The following CFAP92 variants were observed in gnomAD, a reference collection of about 807,000 sequenced individuals.
CFAP92 encodes the protein uncharacterized protein CFAP92.
In CFAP92, 86 loss-of-function variants were observed where a neutral mutation model predicts 106.3. The ratio of observed to expected loss-of-function variants is 0.81; its 90% CI spans 0.68 to 0.97. The LOEUF (loss-of-function observed/expected upper bound fraction) is 0.97. Ranked by LOEUF, CFAP92 falls within the 50% of genes least tolerant of loss-of-function variation. The pLI, the probability that CFAP92 is intolerant of heterozygous loss-of-function variation, is 0.00. For missense variants in CFAP92, 1,204 were observed against 1,283.8 expected (o/e 0.94, Z 0.95); for synonymous variants, 477 against 506.4 (o/e 0.94, Z 0.78).
chr3:129,024,439 G>A, the CFAP92 span, among the ~76,000 whole-genome samples: 1 of 151,780 alleles, frequency 6.6e-6, no homozygotes, highest in African/African-American at 2.4e-5. Flanking sequence ...GCTGAGGCAG[G>A]AGAATCACTT....
rs1404120660 is a variant in CFAP92, at chr3:128,978,173, A to C, written c.680T>G (p.Leu227Trp). The C allele has an allele frequency of 6.2e-7, 1 of 1,613,456 alleles. No homozygotes were observed. The highest frequency in any genetic ancestry group is 8.5e-7 in the Non-Finnish European group (1 of 1,179,602). ...GAFHKSEVRH[L>W]VLNQRKLSEQ... is the part of the protein sequence containing the mutation. Reference sequence around the variant, plus strand: ...AGATAATTTTCTCTGATTTAAAACCAAATGTCTCACTTCTAGAATGCAGGA... The same window carrying C: ...AGATAATTTTCTCTGATTTAAAACCCAATGTCTCACTTCTAGAATGCAGGA... The change falls in exon 5 of 16, where the codon TTG becomes TGG. Residue 227 changes from leucine (L) to tryptophan (W), a missense_variant. Leu to Trp is a moderately conservative substitution (Grantham distance 61). Coordinates refer to ENST00000645291, the MANE Select transcript of CFAP92 (RefSeq NM_001394090.1).
At chr3:128,922,136 G>C (rs570995769) in intron 12 of CFAP92, among the ~76,000 whole-genome samples, 29 of 152,058 alleles carry the variant, frequency 1.9e-4, no homozygotes, top group African/African-American at 6.5e-4. Flanking sequence ...TCAGGAGATC[G>C]AGACCATTCT....
Position 128,993,086 on chromosome 3 carries a change from G to A in CFAP92, c.219C>T (p.Val73=). 1 of 1,614,076 alleles carries A rather than the reference G, an allele frequency of 6.2e-7. No homozygotes were observed. The highest frequency in any genetic ancestry group is 2.2e-5 in the East Asian group (1 of 44,892). ...CCAGTGAGATGGTGAATTTGCAGGG[G>A]ACCACGTGGGGCACGTCGGAGCTGA... ...STFSSDVPHV[V]PCKFTISLAF... Residue 73 remains valine (V), a synonymous_variant, in exon 2 of 16, where the codon GTC becomes GTT. Transcript: ENST00000645291.
intron 15 of CFAP92, chr3:128,912,625 C>T: frequency 6.3e-7 from 1 of 1,599,464 alleles, no homozygotes; most frequent in Non-Finnish European, 8.6e-7. Context: ...GACAGTGTCC[C>T]CTGCTACCGC....
chr3:129,021,244 A>G, the CFAP92 span, among the ~76,000 whole-genome samples: 1 of 152,096 alleles, frequency 6.6e-6, no homozygotes, highest in Non-Finnish European at 1.5e-5. Context: ...ACTGGAGCCC[A>G]CCTCTGTCTT....
Position 128,948,339 on chromosome 3 carries a change from T to TACAG in CFAP92, c.1354-2365_1354-2364insCTGT, listed in dbSNP as rs1940440760. Among the ~76,000 whole-genome samples the TACAG allele has an allele frequency of 2.7e-5, 4 of 150,252 alleles. No individual in the cohort carries two copies. In the Admixed American group the frequency reaches 2.7e-4, roughly 10 times the overall value. On this transcript the variant is annotated intron_variant, in intron 9 of 15. Transcript: ENST00000645291. ...CTTCCCTAGTAGCTGGGACTACAGG[T>TACAG]GTGTGCTACCATGCCCCACTAATTT...
At chr3:129,007,524 A>G (rs560838484), upstream of CFAP92, among the ~76,000 whole-genome samples, 66 of 152,334 alleles carry the variant, frequency 4.3e-4, no homozygotes, top group African/African-American at 1.5e-3. Context: ...AAATGACCCA[A>G]CAAACACCTT....
At chr3:128,999,498 G>C (rs1944610201) in intron 1 of CFAP92, among the ~76,000 whole-genome samples, 1 of 149,468 alleles carries the variant, frequency 6.7e-6, no homozygotes, top group Non-Finnish European at 1.5e-5. Context: ...TGGGCTACCA[G>C]CTCTTAGGGC....
chr3:128,980,015 G>A (rs1943427414), intron 4 of CFAP92, among the ~76,000 whole-genome samples: 1 of 143,938 alleles, frequency 6.9e-6, no homozygotes, highest in Non-Finnish European at 1.5e-5. Flanking sequence ...AAGGAAGAAA[G>A]GAAGAAAAGG....
chr3:128,915,659 T>C, intron 13 of CFAP92, 96 bp from the exon 14 acceptor site: 2 of 791,692 alleles, frequency 2.5e-6, no homozygotes, highest in Non-Finnish European at 3.9e-6. Context: ...GGCATAATCA[T>C]AGTTCCTGAC....
At chr3:129,006,268 G>A (rs72977197), upstream of CFAP92, among the ~76,000 whole-genome samples, 10,742 of 152,196 alleles carry the variant, frequency 0.071, 1,004 homozygotes, top group African/African-American at 0.22. Context: ...AGAAACCTGC[G>A]AGGCTAGTCC....
Position 128,971,409 on chromosome 3 carries a change from C to T in CFAP92, c.1046G>A (p.Arg349Lys). 6.2e-7 allele frequency: 1 copy of T among 1,611,186 alleles called. No homozygotes were observed. Among genetic ancestry groups the T allele is most frequent in the Non-Finnish European group, 8.5e-7 (1 of 1,178,658 alleles). Residue 349 changes from arginine to lysine, a missense_variant, in exon 8 of 16, where the codon AGA (arginine) becomes AAA (lysine). Arg to Lys is a conservative substitution (Grantham distance 26). Coordinates refer to ENST00000645291, the MANE Select transcript of CFAP92 (RefSeq NM_001394090.1). ...SQIKGKDSEG[R>K]RKIQRRHKKP... ...CTTATGTCTCCTCTGGATTTTCCTT[C>T]TTCCCTCTGAATCTTTCCCTTTAAC...
intron 5 of CFAP92, 141 bp downstream of exon 5, chr3:128,977,903 TG>T: frequency 1.1e-6 from 1 of 919,812 alleles, no homozygotes; most frequent in Non-Finnish European, 1.7e-6. Context: ...TACAGCCGTG[TG>T]GCAGGGTGAG....
rs1212168975 is a variant in CFAP92, at chr3:128,910,267, C to T, written c.*32G>A. ...GTGTGGGGGAGGCTGTGCAGGTTCA[C>T]CATGCGGTGGCCGTGGGAGGGTCTG... On this transcript the variant is annotated 3_prime_UTR_variant, in exon 16 of 16. Coordinates refer to ENST00000645291, the MANE Select transcript of CFAP92 (RefSeq NM_001394090.1). 1.4e-5 allele frequency: 22 copies of T among 1,542,484 alleles called. No individual in the cohort carries two copies. Among genetic ancestry groups the T allele is most frequent in the Non-Finnish European group, 1.8e-5 (21 of 1,146,338 alleles).
chr3:128,989,476 A>C (rs1435844034), intron 2 of CFAP92, among the ~76,000 whole-genome samples: 1 of 151,990 alleles, frequency 6.6e-6, no homozygotes, highest in Non-Finnish European at 1.5e-5. Context: ...CAGACAGAGA[A>C]AGCAGCTTCA....
chr3:128,977,155 G>T, intron 5 of CFAP92, 89 bp from the exon 6 acceptor site: 1 of 975,662 alleles, frequency 1.0e-6, no homozygotes, highest in Non-Finnish European at 1.6e-6. Flanking sequence ...TGTAATGTCA[G>T]TCTCTATGCA....
At chr3:128,939,008 T>A (rs1335910572) in intron 10 of CFAP92, among the ~76,000 whole-genome samples, 1 of 152,234 alleles carries the variant, frequency 6.6e-6, no homozygotes, top group East Asian at 1.9e-4. Flanking sequence ...AAATCACGTC[T>A]ATTTTCAGAT....
intron 9 of CFAP92, among the ~76,000 whole-genome samples, chr3:128,960,191 A>C (rs959324772): frequency 1.3e-5 from 2 of 152,200 alleles, no homozygotes; most frequent in Non-Finnish European, 2.9e-5. Flanking sequence ...AGGTGAAATA[A>C]ACAGCCATGT....
intron 8 of CFAP92, among the ~76,000 whole-genome samples, chr3:128,966,345 C>G (rs1262717579): frequency 6.6e-6 from 1 of 152,110 alleles, no homozygotes; most frequent in African/African-American, 2.4e-5. Flanking sequence ...ACATATCATG[C>G]CAGTGTGTAC....
Sources: allele counts gnomAD v4.1 joint callset (sites outside exome capture counted in the v4.1 genomes callset), GRCh38; gene constraint gnomAD v4.1.1; transcripts MANE v1.5; gene names NCBI Gene and HGNC (gene_info 2026-07-23, HGNC 2026-07-21).